FAM241A: variants seen among roughly 807,000 people sequenced by gnomAD.
The protein encoded by FAM241A is family with sequence similarity 241 member A, also known as uncharacterized protein FAM241A.
FAM241A carries 7 observed loss-of-function variants against 12.2 expected under a neutral mutation model. The observed-to-expected ratio is 0.58, with a 90% CI of 0.33 to 1.08. The LOEUF (loss-of-function observed/expected upper bound fraction) is 1.08. Ranked by LOEUF, FAM241A falls within the 50% of genes least tolerant of loss-of-function variation. FAM241A has a pLI of 0.04. For missense variants in FAM241A, 161 were observed against 169.7 expected, an observed-to-expected ratio of 0.95 and a Z score of 0.29; for synonymous variants, 74 against 68.2, an observed-to-expected ratio of 1.08 and a Z score of -0.42.
chr4:112,161,206 G>A (rs757587332), intron 1 of FAM241A, among the ~76,000 whole-genome samples: 1 of 152,144 alleles, frequency 6.6e-6, no homozygotes, highest in Non-Finnish European at 1.5e-5. Context: ...ATAAGAGAAA[G>A]CAGGAAAGAT....
Position 112,186,583 on chromosome 4 carries a change from T to G in FAM241A, c.154-110T>G, listed in dbSNP as rs1050828618. On this transcript the variant is annotated intron_variant, in intron 1 of 1. Coordinates refer to ENST00000309733, the MANE Select transcript of FAM241A (RefSeq NM_152400.3). The stretch of plus-strand genomic sequence containing the variant: ...GTGTTAACAGGTACTTGTAGAATAA[T>G]TATCAGAAGTATGCCCAGCACTTTG... 2.8e-5 allele frequency: 27 copies of G among 980,240 alleles called. No homozygotes were observed. The South Asian group carries it at 4.7e-4, about 17-fold the overall frequency. The allele number at this position is 980,240 out of a possible 1,614,324, so 60.7% of individuals were successfully genotyped here. A position where few individuals can be genotyped will look rare whatever the true frequency, so the allele number is the denominator to read the frequency against.
chr4:112,186,982 G>A lies in FAM241A; in HGVS notation c.*44G>A. The A allele has an allele frequency of 6.4e-7, 1 of 1,573,936 alleles. No homozygotes were observed. The highest frequency in any genetic ancestry group is 8.6e-7 in the Non-Finnish European group (1 of 1,159,958). On this transcript the variant is annotated 3_prime_UTR_variant, in exon 2 of 2. Coordinates refer to ENST00000309733, the MANE Select transcript of FAM241A (RefSeq NM_152400.3). ...TGTTTGACATTTGGTAGCCATATAT[G>A]TAATTGAAGAAGTTATATATTTCAC...
intron 1 of FAM241A, among the ~76,000 whole-genome samples, chr4:112,154,853 C>T (rs986232801): frequency 6.8e-4 from 103 of 151,676 alleles, no homozygotes; most frequent in Admixed American, 2.0e-4. Context: ...GCCAACATGG[C>T]GAAACCCCGC....
intron 1 of FAM241A, among the ~76,000 whole-genome samples, chr4:112,175,626 G>A (rs1723804924): frequency 6.6e-6 from 1 of 152,034 alleles, no homozygotes; most frequent in African/African-American, 2.4e-5. Flanking sequence ...AAATTAGCTA[G>A]GTGTGGTGGC....
intron 1 of FAM241A, among the ~76,000 whole-genome samples, chr4:112,163,783 C>T (rs1203039588): frequency 2.6e-5 from 4 of 152,182 alleles, no homozygotes; most frequent in Non-Finnish European, 4.4e-5. Flanking sequence ...ACTAGAAATA[C>T]CATTTGACCC....
At chr4:112,155,839 A>C (rs1042302369) in intron 1 of FAM241A, among the ~76,000 whole-genome samples, 4 of 152,232 alleles carry the variant, frequency 2.6e-5, no homozygotes, top group Admixed American at 2.6e-4. Context: ...TACACTAAAA[A>C]TTAGAGGTAT....
intron 1 of FAM241A, among the ~76,000 whole-genome samples, chr4:112,177,467 G>T (rs1310167593): frequency 1.3e-5 from 2 of 152,124 alleles, no homozygotes; most frequent in African/African-American, 4.8e-5. Context: ...TCACATCATA[G>T]ATCTTTCAAT....
At chr4:112,173,248 T>C (rs1001852697) in intron 1 of FAM241A, among the ~76,000 whole-genome samples, 2 of 152,186 alleles carry the variant, frequency 1.3e-5, no homozygotes, top group African/African-American at 4.8e-5. Context: ...TTACAGAGCA[T>C]TCTTGATTTA....
chr4:112,183,757 A>G (rs1422494351), intron 1 of FAM241A, among the ~76,000 whole-genome samples: 2 of 152,100 alleles, frequency 1.3e-5, no homozygotes, highest in Non-Finnish European at 2.9e-5. Context: ...AACAGTATCA[A>G]CATGCTGAAC....
intron 1 of FAM241A, among the ~76,000 whole-genome samples, chr4:112,169,888 G>C (rs920104918): frequency 6.6e-6 from 1 of 152,160 alleles, no homozygotes; most frequent in Non-Finnish European, 1.5e-5. Context: ...TTCCCTTTCT[G>C]TATGATACTA....
At chr4:112,176,780 G>A (rs773493045) in intron 1 of FAM241A, among the ~76,000 whole-genome samples, 42 of 146,054 alleles carry the variant, frequency 2.9e-4, no homozygotes, top group Non-Finnish European at 5.1e-4. Flanking sequence ...AACACTCTTC[G>A]TGTGCATGTC....
chr4:112,163,756 T>A (rs1723532498), intron 1 of FAM241A, among the ~76,000 whole-genome samples: 1 of 152,216 alleles, frequency 6.6e-6, no homozygotes. Flanking sequence ...AGTGTGGCGA[T>A]TCCTCAAGGA....
intron 1 of FAM241A, among the ~76,000 whole-genome samples, chr4:112,165,124 T>C (rs1488703929): frequency 6.6e-6 from 1 of 151,972 alleles, no homozygotes; most frequent in East Asian, 1.9e-4. Flanking sequence ...AAACAAGACA[T>C]ACAAATGGCA....
At chr4:112,152,098 G>A (rs973790901) in intron 1 of FAM241A, among the ~76,000 whole-genome samples, 1 of 152,218 alleles carries the variant, frequency 6.6e-6, no homozygotes, top group South Asian at 2.1e-4. Context: ...CCAGTCACTA[G>A]AGTAACTCAG....
intron 1 of FAM241A, among the ~76,000 whole-genome samples, chr4:112,180,794 T>C (rs1433630483): frequency 6.6e-6 from 1 of 152,112 alleles, no homozygotes; most frequent in African/African-American, 2.4e-5. Context: ...AGTACGGAAA[T>C]AGATTCTCTT....
chr4:112,162,418 C>T (rs1723494607), intron 1 of FAM241A, among the ~76,000 whole-genome samples: 1 of 152,214 alleles, frequency 6.6e-6, no homozygotes, highest in Admixed American at 6.5e-5. Context: ...ACTCCATCGT[C>T]TCAGTCCAAA....
chr4:112,163,147 C>T (rs1723513214), intron 1 of FAM241A, among the ~76,000 whole-genome samples: 1 of 152,168 alleles, frequency 6.6e-6, no homozygotes, highest in Admixed American at 6.5e-5. Context: ...ACACCTTGTA[C>T]AAAAATTAAT....
chr4:112,186,911 C>T lies in FAM241A; in HGVS notation c.372C>T (p.Cys124=), dbSNP rs199842368. ...CCCTTGGACTAGTTGCTGTTCTTTG[C>T]CTTGTTATTATTTATGTGCAACAGT... ...LQALGLVAVL[C]LVIIYVQQ The change falls in exon 2 of 2, where the codon TGC becomes TGT. Residue 124 remains cysteine (C), a synonymous_variant. Coordinates refer to ENST00000309733, the MANE Select transcript of FAM241A (RefSeq NM_152400.3). 7 of 1,613,476 alleles carry T rather than the reference C, an allele frequency of 4.3e-6. No individual in the cohort carries two copies. In the African/African-American group the frequency reaches 8.0e-5, roughly 18 times the overall value.
intron 1 of FAM241A, among the ~76,000 whole-genome samples, chr4:112,179,447 C>T (rs1451881595): frequency 6.6e-6 from 1 of 152,006 alleles, no homozygotes; most frequent in South Asian, 2.1e-4. Flanking sequence ...TCTCAGCAAA[C>T]TATCGCAAGG....
Sources: allele counts gnomAD v4.1 joint callset (sites outside exome capture counted in the v4.1 genomes callset), GRCh38; gene constraint gnomAD v4.1.1; transcripts MANE v1.5; gene names NCBI Gene and HGNC (gene_info 2026-07-23, HGNC 2026-07-21).